Variants in GGH observed in about 807,000 individuals in gnomAD.
GGH encodes the protein gamma-Glu-X carboxypeptidase.
Under a neutral mutation model 39.2 loss-of-function variants are expected in GGH, and 18 were observed. The observed-to-expected ratio is 0.46, with a 90% CI of 0.32 to 0.68. GGH has a LOEUF of 0.68. Ranked by LOEUF, GGH falls within the 30% of genes least tolerant of loss-of-function variation. GGH has a pLI of 0.04. For missense variants in GGH, 367 were observed against 384.1 expected (o/e 0.96, Z 0.37); for synonymous variants, 147 against 138.8 (o/e 1.06, Z -0.42).
rs1419679103 is a variant in GGH, at chr8:63,035,680, G to A, written c.200C>T (p.Ala67Val). The change falls in exon 2 of 9, where the codon GCA (alanine) becomes GTA (valine). Residue 67 changes from alanine to valine, a missense_variant. By Grantham distance (64) the Ala-to-Val change is moderately conservative. Transcript: ENST00000260118. ...CCTTACTGGTACAACTCTCGCACCT[G>A]CAGACTCCAAGTACTTTACATAGGA... is the stretch of plus-strand genomic sequence containing the variant. ...AASYVKYLESAGARVVPVRLD... is the reference protein window; with the variant it reads ...AASYVKYLESVGARVVPVRLD... 7 of 1,610,148 alleles carry A rather than the reference G, an allele frequency of 4.3e-6. No homozygotes were observed. The highest frequency in any genetic ancestry group is 1.3e-5 in the African/African-American group (1 of 74,314).
intron 2 of GGH, among the ~76,000 whole-genome samples, chr8:63,032,225 G>A (rs1804819985): frequency 6.6e-6 from 1 of 151,950 alleles, no homozygotes; most frequent in South Asian, 2.1e-4. Context: ...TTTATAGATA[G>A]GGGTTTTTCC....
rs1021466586 is a variant in GGH at position 63,038,782 on chromosome 8, T to C, written c.-14A>G. On this transcript the variant is annotated 5_prime_UTR_variant, in exon 1 of 9. Transcript: ENST00000260118. ...CGGACTGGCCATGGCGCTCGCCGCC[T>C]CCCGCCGCCTTTCAAAAGCTCTGCG... 15 of 1,470,244 alleles carry C rather than the reference T, an allele frequency of 1.0e-5. No individual in the cohort carries two copies. Among genetic ancestry groups the C allele is most frequent in the Non-Finnish European group, 1.4e-5 (15 of 1,099,404 alleles). 91.1% of individuals were successfully genotyped at this position (1,470,244 alleles called of 1,614,324 possible).
intron 7 of GGH, among the ~76,000 whole-genome samples, chr8:63,019,279 G>A (rs1183649220): frequency 6.6e-6 from 1 of 152,188 alleles, no homozygotes; most frequent in Non-Finnish European, 1.5e-5. Flanking sequence ...ATAAACAGCA[G>A]AACCAACAGC....
At chr8:63,032,562 TTCCCAGGTC>T (rs1804825237) in intron 2 of GGH, among the ~76,000 whole-genome samples, 1 of 152,304 alleles carries the variant, frequency 6.6e-6, no homozygotes, top group East Asian at 1.9e-4. Flanking sequence ...TTCAGAATGC[TTCCCAGGTC>T]TCCCATCTCT....
At position 63,029,705 on chromosome 8, in the gene GGH, C is replaced by T. The variant is rs770461956; in HGVS notation, c.275+462G>A. The stretch of plus-strand genomic sequence containing the variant: ...TATAAGCAAATTTTCTGATCTCTGC[C>T]AACATGGTAATTAAATGTTTTTGAT... On this transcript the variant is annotated intron_variant, in intron 3 of 8. Coordinates refer to ENST00000260118, the MANE Select transcript of GGH (RefSeq NM_003878.3). 3.4e-4 allele frequency among the ~76,000 whole-genome samples: 52 copies of T among 151,904 alleles called. 1 individual carries two copies. The highest frequency in any genetic ancestry group is 4.6e-4 in the Admixed American group (7 of 15,220).
intron 2 of GGH, among the ~76,000 whole-genome samples, chr8:63,032,109 C>T (rs1435064867): frequency 1.3e-5 from 2 of 152,180 alleles, no homozygotes; most frequent in African/African-American, 2.4e-5. Flanking sequence ...TCTCAGCTCA[C>T]TGTAACCTCC....
chr8:63,026,915 T>C (rs1055587620), intron 4 of GGH: 9 of 417,220 alleles, frequency 2.2e-5, no homozygotes, highest in African/African-American at 1.9e-4. Flanking sequence ...TCAGAATGTC[T>C]ACACTACATG....
At chr8:63,028,654 T>C (rs1327360507) in intron 3 of GGH, among the ~76,000 whole-genome samples, 2 of 152,098 alleles carry the variant, frequency 1.3e-5, no homozygotes, top group African/African-American at 4.8e-5. Context: ...CAGCTTTCAG[T>C]GACTACATGA....
chr8:63,029,259 C>CA (rs1563669593), intron 3 of GGH, among the ~76,000 whole-genome samples: 2 of 152,124 alleles, frequency 1.3e-5, no homozygotes, highest in Admixed American at 1.3e-4. Flanking sequence ...TAACAAAAAG[C>CA]AAACGGGGTG....
At position 63,023,922 on chromosome 8, in the gene GGH, T is replaced by C. The variant is rs371023948; in HGVS notation, c.682A>G (p.Ile228Val). ...AGTGATATACCTTCCATTGTTGAAA[T>C]AAACTCAATCTTGCCATCTGTATTT... ...TTNTDGKIEF[I>V]STMEGYKYPV... The change falls in exon 7 of 9, where the codon ATT (isoleucine) becomes GTT (valine). Residue 228 changes from isoleucine to valine, a missense_variant. Ile to Val is a conservative substitution (Grantham distance 29, BLOSUM62 3). Transcript: ENST00000260118. 1 of 1,577,360 alleles carries C rather than the reference T, an allele frequency of 6.3e-7. No individual in the cohort carries two copies. Among genetic ancestry groups the C allele is most frequent in the Non-Finnish European group, 8.7e-7 (1 of 1,154,980 alleles).
chr8:63,021,875 T>C (rs1347218178), intron 7 of GGH, among the ~76,000 whole-genome samples: 1 of 151,950 alleles, frequency 6.6e-6, no homozygotes, highest in Non-Finnish European at 1.5e-5. Flanking sequence ...GGTTTCGCCA[T>C]GTTGGCCAGG....
At chr8:63,030,040 A>G in intron 3 of GGH, 127 bp downstream of exon 3, 1 of 496,470 alleles carries the variant, frequency 2.0e-6, no homozygotes, top group Non-Finnish European at 3.7e-6. Flanking sequence ...AGAACTCAGA[A>G]CACTAATACT....
At chr8:63,023,665 C>A (rs558981486) in intron 7 of GGH, 12 of 278,996 alleles carry the variant, frequency 4.3e-5, no homozygotes, top group African/African-American at 2.4e-4. Context: ...TTCTTCATTT[C>A]TTTCTTCATC....
chr8:63,034,465 T>C (rs1205465631), intron 2 of GGH, among the ~76,000 whole-genome samples: 1 of 152,192 alleles, frequency 6.6e-6, no homozygotes, highest in East Asian at 1.9e-4. Context: ...AAACAGGCTG[T>C]ACAGAATAAA....
chr8:63,037,113 G>GT (rs1804924537), intron 1 of GGH, among the ~76,000 whole-genome samples: 1 of 152,170 alleles, frequency 6.6e-6, no homozygotes, highest in Non-Finnish European at 1.5e-5. Flanking sequence ...GCTGTTGTCT[G>GT]TATTACTCAC....
chr8:63,035,580 C>G, intron 2 of GGH, 76 bp downstream of exon 2: 1 of 1,530,358 alleles, frequency 6.5e-7, no homozygotes, highest in Non-Finnish European at 8.8e-7. Flanking sequence ...GCTAGAATTA[C>G]AGGCATGAGG....
In GGH at chr8:63,015,378, T is replaced by C; in HGVS notation, c.911A>G (p.Tyr304Cys). 7.2e-7 allele frequency: 1 copy of C among 1,392,932 alleles called. No homozygotes were observed. The highest frequency in any genetic ancestry group is 1.0e-6 in the Non-Finnish European group (1 of 991,962). 86.3% of individuals were successfully genotyped at this position (1,392,932 alleles called of 1,614,324 possible). A position where few individuals can be genotyped will look rare whatever the true frequency, so the allele number is the denominator to read the frequency against. ...CTGAAATGAAGAAATATTTCCAGTA[T>C]AAATTGGACTGAACTGATAAATCAA... ...KALIYQFSPI[Y>C]TGNISSFQQC... The change falls in exon 9 of 9, where the codon TAT becomes TGT. Residue 304 changes from tyrosine to cysteine, a missense_variant. By Grantham distance (194) the Tyr-to-Cys change is radical. Transcript: ENST00000260118.
At chr8:63,015,602 A>G (rs1804471509) in intron 8 of GGH, 149 bp from the exon 9 acceptor site, 1 of 418,452 alleles carries the variant, frequency 2.4e-6, no homozygotes. Flanking sequence ...TAGAACAGCC[A>G]TCTTTTTTTT....
At position 63,030,164 on chromosome 8, in the gene GGH, T is replaced by C. The variant is rs750705896; in HGVS notation, c.275+3A>G. On this transcript the variant is annotated splice_donor_region_variant and intron_variant, in intron 3 of 8. Transcript: ENST00000260118. ...CCGTATGAAACCAATGCTGCCAACT[T>C]ACCCATTAATAGATTTGAAAAGTAT... 4.4e-6 allele frequency: 6 copies of C among 1,350,966 alleles called. No homozygotes were observed. Among genetic ancestry groups the C allele is most frequent in the Non-Finnish European group, 6.4e-6 (6 of 941,142 alleles). The allele number at this position is 1,350,966 out of a possible 1,614,324, so 83.7% of individuals were successfully genotyped here. A position where few individuals can be genotyped will look rare whatever the true frequency, so the allele number is the denominator to read the frequency against.
Sources: gnomAD v4.1 joint callset for allele counts (sites outside exome capture counted in the v4.1 genomes callset) on GRCh38, gnomAD v4.1.1 for gene constraint, MANE v1.5 for transcripts, NCBI Gene and HGNC (gene_info 2026-07-23, HGNC 2026-07-21) for gene names.